The following ACACA variants were observed in gnomAD, a reference collection of about 807,000 sequenced individuals.
ACACA encodes acetyl-CoA carboxylase 1.
In ACACA, 103 loss-of-function variants were observed where a neutral mutation model predicts 296.1. The ratio of observed to expected loss-of-function variants is 0.35; its 90% CI spans 0.30 to 0.41. ACACA has a LOEUF of 0.41. ACACA is among the 10% of genes least tolerant of loss of function. The probability of loss-of-function intolerance (pLI) is 1.00; values close to 1 mark genes in which losing one functional copy is unlikely to be tolerated. For missense variants in ACACA, 1,554 were observed against 2,989.7 expected, an observed-to-expected ratio of 0.52 and a Z score of 11.20; for synonymous variants, 953 against 1,038.6, an observed-to-expected ratio of 0.92 and a Z score of 1.58.
chr17:37,117,970 C>A (rs2074339053), intron 50 of ACACA, among the ~76,000 whole-genome samples: 1 of 152,084 alleles, frequency 6.6e-6, no homozygotes, highest in African/African-American at 2.4e-5. Context: ...CTGCATAATC[C>A]CCAGCCAGTA....
intron 3 of ACACA, among the ~76,000 whole-genome samples, chr17:37,329,517 T>G (rs1358808119): frequency 6.6e-6 from 1 of 151,582 alleles, no homozygotes; most frequent in African/African-American, 2.4e-5. Flanking sequence ...GGCATGCACT[T>G]GTAGTCCCAG....
intron 10 of ACACA, among the ~76,000 whole-genome samples, 189 bp downstream of exon 10, chr17:37,270,562 T>C (rs1351829410): frequency 6.6e-6 from 1 of 152,170 alleles, no homozygotes; most frequent in African/African-American, 2.4e-5. Flanking sequence ...AAACTTAAAA[T>C]TGAGTTGGAC....
chr17:37,299,197 T>A, intron 3 of ACACA: 1 of 1,385,630 alleles, frequency 7.2e-7, no homozygotes. Flanking sequence ...AATGATCAAA[T>A]AAATCTCAGG....
intron 41 of ACACA, among the ~76,000 whole-genome samples, chr17:37,171,640 C>T (rs2076886953): frequency 6.6e-6 from 1 of 151,890 alleles, no homozygotes; most frequent in Admixed American, 6.6e-5. Context: ...AACAAACTCA[C>T]CTCAACCTCT....
intron 25 of ACACA, among the ~76,000 whole-genome samples, chr17:37,227,100 A>G (rs1226679957): frequency 6.6e-6 from 1 of 152,224 alleles, no homozygotes; most frequent in African/African-American, 2.4e-5. Context: ...GAGGAAAAAA[A>G]CAGGCTCCTA....
chr17:37,177,529 T>C (rs1260348602), intron 41 of ACACA, among the ~76,000 whole-genome samples: 3 of 152,192 alleles, frequency 2.0e-5, no homozygotes, highest in African/African-American at 4.8e-5. Context: ...CACACAGCAC[T>C]GCAGCTAGCT....
intron 1 of ACACA, among the ~76,000 whole-genome samples, chr17:37,359,580 A>G (rs1021856656): frequency 2.6e-5 from 4 of 152,178 alleles, no homozygotes; most frequent in Admixed American, 6.5e-5. Context: ...CATCAGGGAC[A>G]GAGGCGTCCC....
chr17:37,107,175 CCACT>C (rs752745447), intron 52 of ACACA, among the ~76,000 whole-genome samples: 13 of 152,178 alleles, frequency 8.5e-5, no homozygotes, highest in South Asian at 2.1e-4. Flanking sequence ...AGGTGAAAGA[CCACT>C]CACTAAGGCA....
intron 1 of ACACA, chr17:37,385,982 T>C: frequency 6.9e-7 from 1 of 1,450,646 alleles, no homozygotes; most frequent in South Asian, 1.3e-5. Flanking sequence ...TCCCCTAAAG[T>C]TTCATCTTTT....
At chr17:37,087,523 T>C (rs896382728) in intron 55 of ACACA, 84 bp from the exon 56 acceptor site, 6 of 1,520,494 alleles carry the variant, frequency 3.9e-6, no homozygotes, top group South Asian at 1.1e-5. Flanking sequence ...CCAATAAACA[T>C]GTGTGCACCG....
intron 1 of ACACA, among the ~76,000 whole-genome samples, chr17:37,364,519 G>A (rs943265112): frequency 4.0e-5 from 6 of 149,544 alleles, no homozygotes; most frequent in Admixed American, 3.3e-4. Context: ...GCTTGAACCC[G>A]AGAGGCAGAG....
rs567620919 is a variant in ACACA at position 37,206,871 on chromosome 17, T to A, written c.3860A>T (p.Asp1287Val). 41 of 1,612,950 alleles carry A rather than the reference T, an allele frequency of 2.5e-5. 1 individual carries two copies. The South Asian group carries it at 4.2e-4, about 16-fold the overall frequency. ...RTFEDFVRIF[D>V]EVMGCFSDSP... ...GTCAGAGAAGCAGCCCATCACTTCA[T>A]CAAAGATCCTAAAAAATACAAGAGA... Residue 1287 changes from aspartate to valine, a missense_variant, in exon 32 of 56, where the codon GAT becomes GTT. By Grantham distance (152) the Asp-to-Val change is radical. Coordinates refer to ENST00000616317, the MANE Select transcript of ACACA (RefSeq NM_198834.3).
chr17:37,271,383 C>T (rs1482538768), intron 9 of ACACA, among the ~76,000 whole-genome samples: 2 of 151,972 alleles, frequency 1.3e-5, no homozygotes, highest in African/African-American at 2.4e-5. Context: ...GGTGTGATGG[C>T]GCATGCCTGT....
rs537382158 is a variant in ACACA, at chr17:37,369,822, C to T, written c.39-29972G>A. 2.7e-4 allele frequency among the ~76,000 whole-genome samples: 41 copies of T among 152,168 alleles called. 1 individual carries two copies. The highest frequency in any genetic ancestry group is 9.6e-4 in the African/African-American group (40 of 41,516). ...CCAGGTTCAAGCAATTCTCCTGCCTCAGCTTCCCGAGTAGCTGAGATTACA... is the reference window on the plus strand; with the variant it reads ...CCAGGTTCAAGCAATTCTCCTGCCTTAGCTTCCCGAGTAGCTGAGATTACA... On this transcript the variant is annotated intron_variant, in intron 1 of 55. Transcript: ENST00000616317.
chr17:37,286,966 ATTCTTCTAAC>A (rs762023484), intron 3 of ACACA, among the ~76,000 whole-genome samples: 11 of 152,046 alleles, frequency 7.2e-5, no homozygotes, highest in Non-Finnish European at 1.5e-4. Flanking sequence ...TTGTTCTTTT[ATTCTTCTAAC>A]ACCCAATTAT....
At chr17:37,393,122 T>G (rs765459019) in intron 1 of ACACA, among the ~76,000 whole-genome samples, 10 of 136,898 alleles carry the variant, frequency 7.3e-5, no homozygotes, top group Non-Finnish European at 1.1e-4. Context: ...CTAGCCTGAG[T>G]GACAGGAGCA....
chr17:37,138,637 T>A (rs2075429718), intron 45 of ACACA, among the ~76,000 whole-genome samples: 1 of 152,240 alleles, frequency 6.6e-6, no homozygotes, highest in Non-Finnish European at 1.5e-5. Flanking sequence ...AATGGAATTA[T>A]ATAGCTGTCA....
At chr17:37,092,510 T>A (rs954977299) in intron 54 of ACACA, among the ~76,000 whole-genome samples, 2 of 152,240 alleles carry the variant, frequency 1.3e-5, no homozygotes, top group African/African-American at 4.8e-5. Flanking sequence ...CATCAGTGGA[T>A]AAGTATCTCA....
At chr17:37,199,049 G>C (rs1411761636) in intron 35 of ACACA, among the ~76,000 whole-genome samples, 2 of 152,128 alleles carry the variant, frequency 1.3e-5, no homozygotes, top group African/African-American at 4.8e-5. Flanking sequence ...AGACCAGCCT[G>C]GCTAACATGG....
Sources: gnomAD v4.1 joint callset for allele counts (sites outside exome capture counted in the v4.1 genomes callset) on GRCh38, gnomAD v4.1.1 for gene constraint, MANE v1.5 for transcripts, NCBI Gene and HGNC (gene_info 2026-07-23, HGNC 2026-07-21) for gene names.